Variants in GABRB1 observed in about 807,000 individuals in gnomAD.
GABRB1 encodes gamma-aminobutyric acid type A receptor subunit beta1.
In GABRB1, 17 loss-of-function variants were observed where a neutral mutation model predicts 51.6. The observed-to-expected ratio is 0.33, with a 90% confidence interval of 0.23 to 0.49. The LOEUF is 0.49. GABRB1 is among the 20% of genes least tolerant of loss of function. The pLI is 0.99. For synonymous variants in GABRB1, 247 were observed against 218.9 expected, an observed-to-expected ratio of 1.13 and a Z score of -1.14; for missense variants, 410 against 600.6, an observed-to-expected ratio of 0.68 and a Z score of 3.32.
chr4:47,425,538 A>G (rs1030786249), intron 8 of GABRB1, 136 bp from the exon 9 acceptor site: 22 of 654,562 alleles, frequency 3.4e-5, no homozygotes, highest in Admixed American at 8.2e-5. Context: ...CTATCTCCAC[A>G]TCAGGGAGGC....
At chr4:47,249,274 C>T (rs1022254938) in intron 4 of GABRB1, among the ~76,000 whole-genome samples, 20 of 152,062 alleles carry the variant, frequency 1.3e-4, no homozygotes, top group African/African-American at 4.8e-4. Flanking sequence ...ATCCAGTGAT[C>T]ATTCAGAAGC....
At chr4:47,358,818 T>C (rs1051948750) in intron 5 of GABRB1, among the ~76,000 whole-genome samples, 4 of 152,310 alleles carry the variant, frequency 2.6e-5, no homozygotes, top group East Asian at 1.9e-4. Flanking sequence ...AAATGTAACT[T>C]GATAGAATTC....
intron 3 of GABRB1, among the ~76,000 whole-genome samples, chr4:47,122,950 T>C (rs560249767): frequency 5.3e-5 from 8 of 152,308 alleles, no homozygotes; most frequent in Admixed American, 2.0e-4. Flanking sequence ...TCAGCACGTA[T>C]ATAGTGTAAA....
chr4:47,237,078 T>C lies in GABRB1; in HGVS notation c.461+75609T>C, dbSNP rs531629751. On this transcript the variant is annotated intron_variant, in intron 4 of 8. Transcript: ENST00000295454. ...ATAATTTCAACAATAATAAATAGCATAAAAATATTTGAATTTTTATATAAT... is the reference window on the plus strand; with the variant it reads ...ATAATTTCAACAATAATAAATAGCACAAAAATATTTGAATTTTTATATAAT... 4.6e-5 allele frequency among the ~76,000 whole-genome samples: 7 copies of C among 152,060 alleles called. No homozygotes were observed. The South Asian group carries it at 1.5e-3, about 32-fold the overall frequency.
chr4:47,268,293 G>T (rs994083909), intron 4 of GABRB1, among the ~76,000 whole-genome samples: 1 of 152,164 alleles, frequency 6.6e-6, no homozygotes, highest in Non-Finnish European at 1.5e-5. Context: ...TGAATTGTTA[G>T]ACACCCTGTT....
intron 4 of GABRB1, among the ~76,000 whole-genome samples, chr4:47,238,128 T>C (rs1411909651): frequency 1.3e-5 from 2 of 152,030 alleles, no homozygotes; most frequent in Non-Finnish European, 2.9e-5. Flanking sequence ...TGAAGGATAT[T>C]ACAGGCAAAT....
chr4:47,344,878 A>G (rs888962705), intron 5 of GABRB1, among the ~76,000 whole-genome samples: 8 of 152,068 alleles, frequency 5.3e-5, no homozygotes, highest in African/African-American at 1.9e-4. Flanking sequence ...GTGCACCACC[A>G]CGCCCAGCTA....
chr4:47,397,522 T>C (rs1728216585), intron 5 of GABRB1, among the ~76,000 whole-genome samples: 1 of 152,176 alleles, frequency 6.6e-6, no homozygotes, highest in African/African-American at 2.4e-5. Flanking sequence ...ATTGAGATTG[T>C]ATAATGTTTT....
At chr4:47,034,928 A>T (rs1364882714) in intron 3 of GABRB1, among the ~76,000 whole-genome samples, 1 of 152,154 alleles carries the variant, frequency 6.6e-6, no homozygotes, top group Admixed American at 6.5e-5. Context: ...CGGTGCCCTG[A>T]TAGGCAGTAA....
At chr4:47,261,751 A>G (rs1275454664) in intron 4 of GABRB1, among the ~76,000 whole-genome samples, 1 of 152,200 alleles carries the variant, frequency 6.6e-6, no homozygotes, top group Non-Finnish European at 1.5e-5. Flanking sequence ...CCTAAGACAA[A>G]AGAACAAAGC....
In GABRB1 at chr4:47,007,866, G is replaced by GTATATATA. The variant is rs1165939097; in HGVS notation, c.-20+13961_-20+13968dup. Among the ~76,000 whole-genome samples, 61 of 49,956 alleles carry GTATATATA rather than the reference G, an allele frequency of 1.2e-3. 4 individuals carry two copies. Among genetic ancestry groups the GTATATATA allele is most frequent in the East Asian group, 3.7e-3 (7 of 1,906 alleles). 32.8% of individuals were successfully genotyped at this position (49,956 alleles called of 152,430 possible). The stretch of plus-strand genomic sequence containing the variant: ...TTAAAGGACGTATACCTTGGAACTG[G>GTATATATA]TATATATATATATATATATATATAT... On this transcript the variant is annotated intron_variant, in intron 1 of 3. Coordinates refer to the GABRB1 transcript ENST00000513567.
chr4:47,219,194 A>G lies in GABRB1; in HGVS notation c.461+57725A>G, dbSNP rs189738632. On this transcript the variant is annotated intron_variant, in intron 4 of 8. Coordinates refer to ENST00000295454, the MANE Select transcript of GABRB1 (RefSeq NM_000812.4). ...AATGTACATTAAAATGTTGTATGTC[A>G]TATTATGTAACTGTAATGATCATGT... 1.3e-3 allele frequency among the ~76,000 whole-genome samples: 198 copies of G among 152,006 alleles called. 1 individual carries two copies. Among genetic ancestry groups the G allele is most frequent in the African/African-American group, 4.5e-3 (189 of 41,554 alleles).
At position 47,189,657 on chromosome 4, in the gene GABRB1, C is replaced by G. The variant is rs112523299; in HGVS notation, c.461+28188C>G. On this transcript the variant is annotated intron_variant, in intron 4 of 8. Coordinates refer to ENST00000295454, the MANE Select transcript of GABRB1 (RefSeq NM_000812.4). ...GTATTTTTAATAGTTGATTCGCATT[C>G]CTAAACAGAGGTTTTGTTGAAGAGC... Among the ~76,000 whole-genome samples, 120 of 151,848 alleles carry G rather than the reference C, an allele frequency of 7.9e-4. 1 individual carries two copies. Among genetic ancestry groups the G allele is most frequent in the African/African-American group, 2.3e-3 (97 of 41,466 alleles).
chr4:47,120,192 T>C (rs1168619456), intron 3 of GABRB1, among the ~76,000 whole-genome samples: 1 of 152,120 alleles, frequency 6.6e-6, no homozygotes, highest in African/African-American at 2.4e-5. Flanking sequence ...TGTGTATATA[T>C]CCATATATAT....
intron 5 of GABRB1, among the ~76,000 whole-genome samples, chr4:47,355,325 A>T (rs972653322): frequency 7.3e-5 from 11 of 151,000 alleles, no homozygotes; most frequent in African/African-American, 2.2e-4. Flanking sequence ...TTTTTTTTTT[A>T]ATTATACTTT....
At chr4:47,032,858 C>T in intron 3 of GABRB1, 1 of 412,256 alleles carries the variant, frequency 2.4e-6, no homozygotes, top group South Asian at 1.9e-5. Flanking sequence ...GACCGGTGGT[C>T]GGCAGCCATC....
At chr4:47,247,673 C>A (rs1049062388) in intron 4 of GABRB1, among the ~76,000 whole-genome samples, 1 of 150,994 alleles carries the variant, frequency 6.6e-6, no homozygotes, top group Non-Finnish European at 1.5e-5. Flanking sequence ...TGTTTCCGTT[C>A]GTGTCATCTA....
At chr4:47,000,798 C>T (rs924214925) in intron 1 of GABRB1, among the ~76,000 whole-genome samples, 3 of 152,070 alleles carry the variant, frequency 2.0e-5, no homozygotes, top group African/African-American at 7.2e-5. Context: ...GGCTGGTTTT[C>T]CCAAAGTAAG....
intron 3 of GABRB1, among the ~76,000 whole-genome samples, chr4:47,153,528 T>C (rs187673455): frequency 2.0e-5 from 3 of 152,180 alleles, no homozygotes; most frequent in Non-Finnish European, 4.4e-5. Context: ...AGAGTAGATA[T>C]TAGATTAAGA....
Sources: allele counts gnomAD v4.1 joint callset (sites outside exome capture counted in the v4.1 genomes callset), GRCh38; gene constraint gnomAD v4.1.1; transcripts MANE v1.5; gene names NCBI Gene and HGNC (gene_info 2026-07-23, HGNC 2026-07-21).